Variants in LRRTM4 observed in about 807,000 individuals in gnomAD.
LRRTM4 encodes the protein leucine rich repeat transmembrane neuronal 4.
A neutral mutation model predicts 47.6 loss-of-function variants in LRRTM4; 25 were observed. The observed-to-expected ratio is 0.53, with a 90% CI of 0.38 to 0.73. LRRTM4 has a LOEUF of 0.73. LRRTM4 is among the 30% of genes least tolerant of loss of function. The pLI, the probability that LRRTM4 is intolerant of heterozygous loss-of-function variation, is 0.00. For synonymous variants in LRRTM4, 311 were observed against 269.5 expected, an observed-to-expected ratio of 1.15 and a Z score of -1.51; for missense variants, 638 against 713.4, an observed-to-expected ratio of 0.89 and a Z score of 1.20.
At chr2:77,067,991 T>G (rs1300447108) in intron 3 of LRRTM4, among the ~76,000 whole-genome samples, 1 of 152,112 alleles carries the variant, frequency 6.6e-6, no homozygotes, top group Non-Finnish European at 1.5e-5. Flanking sequence ...TTGCATACTA[T>G]CAATTTATAC....
intron 3 of LRRTM4, among the ~76,000 whole-genome samples, chr2:77,268,916 C>T (rs938869291): frequency 5.3e-5 from 8 of 152,064 alleles, no homozygotes; most frequent in African/African-American, 1.7e-4. Flanking sequence ...TGTACCCTGC[C>T]CCAGTCTGCT....
At chr2:77,143,003 C>T (rs944309356) in intron 3 of LRRTM4, among the ~76,000 whole-genome samples, 1 of 152,150 alleles carries the variant, frequency 6.6e-6, no homozygotes, top group African/African-American at 2.4e-5. Flanking sequence ...TCTGTTCTCA[C>T]ATTTAAACAA....
At chr2:77,475,332 A>C (rs1677345868) in intron 3 of LRRTM4, among the ~76,000 whole-genome samples, 1 of 152,094 alleles carries the variant, frequency 6.6e-6, no homozygotes, top group Non-Finnish European at 1.5e-5. Flanking sequence ...TGGGAAAAGC[A>C]CTTCAAACTT....
chr2:77,201,917 C>A (rs1239840799), intron 3 of LRRTM4, among the ~76,000 whole-genome samples: 1 of 152,110 alleles, frequency 6.6e-6, no homozygotes, highest in Non-Finnish European at 1.5e-5. Context: ...TATTTCAGAT[C>A]TGTCATATAT....
At chr2:76,831,513 G>A (rs746934564) in intron 3 of LRRTM4, among the ~76,000 whole-genome samples, 23 of 151,974 alleles carry the variant, frequency 1.5e-4, no homozygotes, top group Admixed American at 3.3e-4. Context: ...TTGATTCTCC[G>A]TTTAATTCTA....
chr2:77,482,849 G>A (rs148614235), intron 3 of LRRTM4, among the ~76,000 whole-genome samples: 7,369 of 151,936 alleles, frequency 0.049, 244 homozygotes, highest in Non-Finnish European at 0.073. Flanking sequence ...TTGGCCAGGC[G>A]TGGTGGCTCA....
rs555662006 is a variant in LRRTM4, at chr2:76,839,072, A to G, written c.1552-90156T>C. 3.3e-5 allele frequency among the ~76,000 whole-genome samples: 5 copies of G among 152,178 alleles called. No individual in the cohort carries two copies. The South Asian group carries it at 1.0e-3, about 31-fold the overall frequency. On this transcript the variant is annotated intron_variant, in intron 3 of 3. Transcript: ENST00000409884. ...GACCTCTGTAATGTAACTATTCTGCACTGAAATGTTTTTGTAGCATTTCTC... is the reference window on the plus strand; with the variant it reads ...GACCTCTGTAATGTAACTATTCTGCGCTGAAATGTTTTTGTAGCATTTCTC...
intron 3 of LRRTM4, among the ~76,000 whole-genome samples, chr2:77,156,160 TA>T (rs2103795964): frequency 6.6e-6 from 1 of 152,070 alleles, no homozygotes; most frequent in African/African-American, 2.4e-5. Flanking sequence ...AGCACTCAGT[TA>T]AAAAGAATTA....
At chr2:77,468,236 G>GT (rs1193182731) in intron 3 of LRRTM4, among the ~76,000 whole-genome samples, 7 of 152,008 alleles carry the variant, frequency 4.6e-5, no homozygotes, top group Non-Finnish European at 5.9e-5. Flanking sequence ...ATATGTTTAG[G>GT]TATCACTGAT....
At chr2:77,443,773 A>T (rs992056830) in intron 3 of LRRTM4, among the ~76,000 whole-genome samples, 2 of 152,166 alleles carry the variant, frequency 1.3e-5, no homozygotes, top group African/African-American at 4.8e-5. Flanking sequence ...AGCATCCCTA[A>T]CATTGACAGT....
intron 3 of LRRTM4, among the ~76,000 whole-genome samples, chr2:77,409,538 A>G (rs138367326): frequency 9.2e-5 from 14 of 152,288 alleles, no homozygotes; most frequent in African/African-American, 2.9e-4. Context: ...TTTTCAAACT[A>G]TAGCAGCCTT....
At chr2:77,499,985 C>T (rs113421134) in intron 3 of LRRTM4, among the ~76,000 whole-genome samples, 68 of 151,304 alleles carry the variant, frequency 4.5e-4, no homozygotes, top group African/African-American at 1.6e-3. Flanking sequence ...ACAGGAGATA[C>T]CAAAGAAAAA....
At chr2:77,479,323 G>T (rs1338349624) in intron 3 of LRRTM4, among the ~76,000 whole-genome samples, 1 of 152,076 alleles carries the variant, frequency 6.6e-6, no homozygotes, top group Non-Finnish European at 1.5e-5. Context: ...CTCTGAATGG[G>T]CTCTGTAACA....
chr2:76,978,556 A>T (rs1334661360), intron 3 of LRRTM4, among the ~76,000 whole-genome samples: 1 of 152,086 alleles, frequency 6.6e-6, no homozygotes, highest in African/African-American at 2.4e-5. Context: ...ATGGAATAAA[A>T]ATGAAACTGG....
intron 3 of LRRTM4, among the ~76,000 whole-genome samples, chr2:76,957,683 C>A (rs1166177260): frequency 3.3e-5 from 5 of 151,640 alleles, no homozygotes; most frequent in East Asian, 2.0e-4. Flanking sequence ...ACCTCAGGAA[C>A]CATCATTAGA....
At chr2:77,301,386 T>C (rs1014984305) in intron 3 of LRRTM4, among the ~76,000 whole-genome samples, 1 of 152,118 alleles carries the variant, frequency 6.6e-6, no homozygotes, top group Non-Finnish European at 1.5e-5. Flanking sequence ...TAAAATATTA[T>C]AAGATATTTA....
chr2:76,968,340 GTATATATATA>G lies in LRRTM4; in HGVS notation c.1552-219434_1552-219425del, dbSNP rs61103340. ...TGTAAATACAAAAGTGTGTATGTGT[GTATATATATA>G]TATATATATATATATATATATATAT... is the stretch of plus-strand genomic sequence containing the variant. On this transcript the variant is annotated intron_variant, in intron 3 of 3. Transcript: ENST00000409884. 7.4e-3 allele frequency among the ~76,000 whole-genome samples: 569 copies of G among 76,640 alleles called. 3 individuals are homozygous for G. Among genetic ancestry groups the G allele is most frequent in the Middle Eastern group, 0.019 (2 of 104 alleles). 50.3% of individuals were successfully genotyped at this position (76,640 alleles called of 152,430 possible). A position where few individuals can be genotyped will look rare whatever the true frequency, so the allele number is the denominator to read the frequency against.
At chr2:77,075,883 C>T (rs1200601052) in intron 3 of LRRTM4, among the ~76,000 whole-genome samples, 1 of 121,624 alleles carries the variant, frequency 8.2e-6, no homozygotes, top group East Asian at 2.6e-4. Context: ...CCACTGCACT[C>T]CAGCCTGGGC....
At chr2:77,153,156 C>T (rs982220152) in intron 3 of LRRTM4, among the ~76,000 whole-genome samples, 1 of 152,160 alleles carries the variant, frequency 6.6e-6, no homozygotes, top group Non-Finnish European at 1.5e-5. Context: ...ACCTTTAATG[C>T]TCACATAGGA....
Sources: gnomAD v4.1 joint callset for allele counts (sites outside exome capture counted in the v4.1 genomes callset) on GRCh38, gnomAD v4.1.1 for gene constraint, MANE v1.5 for transcripts, NCBI Gene and HGNC (gene_info 2026-07-23, HGNC 2026-07-21) for gene names.